OSGIN2: variants seen among roughly 807,000 people sequenced by gnomAD.
OSGIN2 encodes oxidative stress induced growth inhibitor family member 2, also known as oxidative stress-induced growth inhibitor 2.
Under a neutral mutation model 53.8 loss-of-function variants are expected in OSGIN2, and 19 were observed. The ratio of observed to expected loss-of-function variants is 0.35; its 90% confidence interval spans 0.25 to 0.52. The LOEUF (loss-of-function observed/expected upper bound fraction) is 0.52. OSGIN2 is among the 20% of genes least tolerant of loss of function. The pLI, the probability that OSGIN2 is intolerant of heterozygous loss-of-function variation, is 0.95. For synonymous variants in OSGIN2, 236 were observed against 236.0 expected, an observed-to-expected ratio of 1.00 and a Z score of 0.00; for missense variants, 520 against 662.7, an observed-to-expected ratio of 0.78 and a Z score of 2.36.
chr8:89,912,361 G>T (rs1808984628), intron 2 of OSGIN2, among the ~76,000 whole-genome samples: 1 of 152,202 alleles, frequency 6.6e-6, no homozygotes, highest in Non-Finnish European at 1.5e-5. Flanking sequence ...CTGCTGCACA[G>T]ACAAAACCAT....
intron 4 of OSGIN2, among the ~76,000 whole-genome samples, chr8:89,919,613 AAGCC>A (rs1337058182): frequency 6.6e-6 from 1 of 152,192 alleles, no homozygotes; most frequent in Non-Finnish European, 1.5e-5. Flanking sequence ...GGTGGCAGCC[AAGCC>A]TGGTTCTGAA....
chr8:89,914,579 C>T lies in OSGIN2; in HGVS notation c.361C>T (p.Leu121Phe). The stretch of plus-strand genomic sequence containing the variant: ...GGACTTAGAATACTTGTCTGAGGGC[C>T]TTGAGGGCCGATCATCCAATCCAGT... ...DQDLEYLSEG[L>F]EGRSSNPVAV... Residue 121 changes from leucine to phenylalanine, a missense_variant, in exon 4 of 6, where the codon CTT (leucine) becomes TTT (phenylalanine). By Grantham distance (22) the Leu-to-Phe change is conservative (BLOSUM62 0). Around this residue, in one of 3 missense-constraint regions of OSGIN2, gnomAD observed 203 missense variants for 275.3 expected, o/e 0.74. Transcript: ENST00000451899. 1 of 1,613,974 alleles carries T rather than the reference C, an allele frequency of 6.2e-7. No individual in the cohort carries two copies. Among genetic ancestry groups the T allele is most frequent in the Non-Finnish European group, 8.5e-7 (1 of 1,179,868 alleles).
At position 89,909,524 on chromosome 8, in the gene OSGIN2, A is replaced by G. The variant is rs186479640; in HGVS notation, c.45-43A>G. On this transcript the variant is annotated intron_variant, in intron 1 of 5. Transcript: ENST00000451899. Reference sequence around the variant, plus strand: ...AGAGATTGATTTTTATAAAGGCTATATTGACTATATCTCTTTTTATTCCCC... The same window carrying G: ...AGAGATTGATTTTTATAAAGGCTATGTTGACTATATCTCTTTTTATTCCCC... The G allele has an allele frequency of 3.8e-4, 418 of 1,108,852 alleles. 3 individuals are homozygous for G. Among genetic ancestry groups the G allele is most frequent in the Admixed American group, 2.9e-3 (102 of 35,424 alleles). 68.7% of individuals were successfully genotyped at this position (1,108,852 alleles called of 1,614,324 possible).
Position 89,914,025 on chromosome 8 carries a change from C to T in OSGIN2, c.200-52C>T. On this transcript the variant is annotated intron_variant, in intron 2 of 5. Transcript: ENST00000451899. The stretch of plus-strand genomic sequence containing the variant: ...TCAAAGTAGGACAAAAGCCAAGGAA[C>T]AAGAGTATTAAGATGCATGACCTAC... The T allele has an allele frequency of 3.9e-6, 6 of 1,520,028 alleles. No homozygotes were observed. In the South Asian group the frequency reaches 4.7e-5, roughly 12 times the overall value. The allele number at this position is 1,520,028 out of a possible 1,614,324, so 94.2% of individuals were successfully genotyped here.
At chr8:89,909,067 ATGTATATG>A (rs1808912543) in intron 1 of OSGIN2, among the ~76,000 whole-genome samples, 1 of 142,022 alleles carries the variant, frequency 7.0e-6, no homozygotes, top group African/African-American at 2.6e-5. Flanking sequence ...TATATATATA[ATGTATATG>A]TAGTATATTT....
chr8:89,914,696 T>C lies in OSGIN2; in HGVS notation c.478T>C (p.Tyr160His). ...GCATTGGAAATTAGAGCAACATCAT[T>C]ATATCCCTCACGTAGTTCTTGGTAA... Reference protein sequence around the residue: ...VLHWKLEQHHYIPHVVLGKGP... With the variant: ...VLHWKLEQHHHIPHVVLGKGP... Residue 160 changes from tyrosine (Y) to histidine (H), a missense_variant, in exon 4 of 6, where the codon TAT (tyrosine) becomes CAT (histidine). By Grantham distance (83) the Tyr-to-His change is moderately conservative. Around this residue, in one of 3 missense-constraint regions of OSGIN2, gnomAD observed 203 missense variants for 275.3 expected, o/e 0.74. Coordinates refer to ENST00000451899, the MANE Select transcript of OSGIN2 (RefSeq NM_001126111.3). 1 of 1,614,052 alleles carries C rather than the reference T, an allele frequency of 6.2e-7. No homozygotes were observed. Among genetic ancestry groups the C allele is most frequent in the Non-Finnish European group, 8.5e-7 (1 of 1,179,868 alleles).
Position 89,902,851 on chromosome 8 carries a change from CG to C in OSGIN2, c.44+18del. The C allele has an allele frequency of 7.3e-7, 1 of 1,377,352 alleles. No homozygotes were observed. The highest frequency in any genetic ancestry group is 1.7e-5 in the South Asian group (1 of 58,502). The allele number at this position is 1,377,352 out of a possible 1,614,324, so 85.3% of individuals were successfully genotyped here. ...CGGTCATTTCAGGTGACTTCCTCGC[CG>C]GGGATGGGAGGGGAGCAGGCGGGGA... On this transcript the variant is annotated intron_variant, in intron 1 of 5. Coordinates refer to ENST00000451899, the MANE Select transcript of OSGIN2 (RefSeq NM_001126111.3).
intron 1 of OSGIN2, among the ~76,000 whole-genome samples, chr8:89,903,046 C>T (rs1808759880): frequency 6.6e-6 from 1 of 152,166 alleles, no homozygotes; most frequent in Admixed American, 6.5e-5. Flanking sequence ...GTTCCCTTTT[C>T]TCGCTCTGGA....
Position 89,925,292 on chromosome 8 carries a change from G to A in OSGIN2, c.1410G>A (p.Gly470=), listed in dbSNP as rs1311029047. 3 of 1,613,996 alleles carry A rather than the reference G, an allele frequency of 1.9e-6. No homozygotes were observed. The highest frequency in any genetic ancestry group is 2.5e-6 in the Non-Finnish European group (3 of 1,179,996). The part of the protein sequence containing the change: ...HPNLSFLKDQ[G]CYLGHKSSQP... Reference sequence around the variant, plus strand: ...ATCTGTCTTTTCTGAAGGATCAAGGGTGTTACCTAGGCCATAAGTCAAGCC... The same window carrying A: ...ATCTGTCTTTTCTGAAGGATCAAGGATGTTACCTAGGCCATAAGTCAAGCC... The change falls in exon 6 of 6, where the codon GGG becomes GGA. Residue 470 remains glycine (G), a synonymous_variant. Transcript: ENST00000451899.
At chr8:89,904,732 C>T (rs1808799510) in intron 1 of OSGIN2, among the ~76,000 whole-genome samples, 2 of 152,118 alleles carry the variant, frequency 1.3e-5, no homozygotes, top group South Asian at 2.1e-4. Flanking sequence ...AGGAGAATAG[C>T]TTGAACCCAG....
chr8:89,915,614 G>C (rs1809061768), intron 4 of OSGIN2, among the ~76,000 whole-genome samples: 1 of 152,190 alleles, frequency 6.6e-6, no homozygotes, highest in South Asian at 2.1e-4. Context: ...ACTGTGTCTA[G>C]TGTGTAGTGA....
In OSGIN2 at chr8:89,911,578, C is replaced by T. The variant is rs375621590; in HGVS notation, c.199+1857C>T. 2.7e-4 allele frequency among the ~76,000 whole-genome samples: 41 copies of T among 149,970 alleles called. No individual in the cohort carries two copies. In the East Asian group the frequency reaches 6.5e-3, roughly 24 times the overall value. ...CCAGGAGGTGGAGGTTGCAGTGAGC[C>T]GCGATTGCGCCATTGTACTCCAGCT... On this transcript the variant is annotated intron_variant, in intron 2 of 5. Coordinates refer to ENST00000451899, the MANE Select transcript of OSGIN2 (RefSeq NM_001126111.3).
rs774941143 is a variant in OSGIN2 at position 89,925,249 on chromosome 8, T to C, written c.1367T>C (p.Leu456Ser). 1.9e-6 allele frequency: 3 copies of C among 1,614,212 alleles called. No homozygotes were observed. The Admixed American group carries it at 5.0e-5, about 27-fold the overall frequency. ...KIFKLSAAVVLIGSHPNLSFL... is the reference protein window; with the variant it reads ...KIFKLSAAVVSIGSHPNLSFL... Reference sequence around the variant, plus strand: ...TTTAAGCTGTCTGCAGCAGTAGTATTGATAGGTTCTCATCCTAATCTGTCT... The same window carrying C: ...TTTAAGCTGTCTGCAGCAGTAGTATCGATAGGTTCTCATCCTAATCTGTCT... The change falls in exon 6 of 6, where the codon TTG becomes TCG. Residue 456 changes from leucine (L) to serine (S), a missense_variant. Coordinates refer to ENST00000451899, the MANE Select transcript of OSGIN2 (RefSeq NM_001126111.3).
rs762182952 is a variant in OSGIN2, at chr8:89,911,125, A to G, written c.199+1404A>G. On this transcript the variant is annotated intron_variant, in intron 2 of 5. Coordinates refer to ENST00000451899, the MANE Select transcript of OSGIN2 (RefSeq NM_001126111.3). ...TTTCCTTTTCCTGGCTCCCTTCTGT[A>G]GCTTCAAAATCAGCAATGTTGTTTC... Among the ~76,000 whole-genome samples the G allele has an allele frequency of 4.8e-4, 73 of 152,222 alleles. 2 individuals are homozygous for G. The highest frequency in any genetic ancestry group is 3.4e-3 in the Middle Eastern group (1 of 294).
At chr8:89,917,168 TCTC>T (rs1448750653) in intron 4 of OSGIN2, among the ~76,000 whole-genome samples, 1 of 152,210 alleles carries the variant, frequency 6.6e-6, no homozygotes, top group Non-Finnish European at 1.5e-5. Flanking sequence ...TGTTCCTTGG[TCTC>T]CTCATTCTTG....
In OSGIN2 at chr8:89,924,673, C is replaced by T. The variant is rs778211161; in HGVS notation, c.791C>T (p.Thr264Ile). The change falls in exon 6 of 6, where the codon ACA (threonine) becomes ATA (isoleucine). Residue 264 changes from threonine to isoleucine, a missense_variant. Physicochemically the swap from Thr to Ile is moderately conservative, Grantham distance 89. This residue lies in a region of OSGIN2 where 78 missense variants were observed against 59.1 expected (regional missense o/e 1.32). Coordinates refer to ENST00000451899, the MANE Select transcript of OSGIN2 (RefSeq NM_001126111.3). Reference protein sequence around the residue: ...DDDIQDRDISTKHLQIEKSNF... With the variant: ...DDDIQDRDISIKHLQIEKSNF... Reference sequence around the variant, plus strand: ...GATATTCAAGACAGAGATATTTCAACAAAGCATTTACAGATAGAGAAGTCA... The same window carrying T: ...GATATTCAAGACAGAGATATTTCAATAAAGCATTTACAGATAGAGAAGTCA... 6.2e-7 allele frequency: 1 copy of T among 1,613,946 alleles called. No individual in the cohort carries two copies. The highest frequency in any genetic ancestry group is 8.5e-7 in the Non-Finnish European group (1 of 1,179,896).
At chr8:89,914,521 T>G in intron 3 of OSGIN2, 34 bp from the exon 4 acceptor site, 3 of 1,566,672 alleles carry the variant, frequency 1.9e-6, no homozygotes, top group Non-Finnish European at 2.6e-6. Context: ...AATGCTGGCT[T>G]TTTTCAAACT....
rs1233660171 is a variant in OSGIN2 at position 89,914,512 on chromosome 8, A to C, written c.337-43A>C. The C allele has an allele frequency of 2.0e-6, 3 of 1,479,924 alleles. No homozygotes were observed. The African/African-American group carries it at 4.2e-5, about 21-fold the overall frequency. 91.7% of individuals were successfully genotyped at this position (1,479,924 alleles called of 1,614,324 possible). A position where few individuals can be genotyped will look rare whatever the true frequency, so the allele number is the denominator to read the frequency against. On this transcript the variant is annotated intron_variant, in intron 3 of 5. Transcript: ENST00000451899. ...AGCATTAGAATATACTATCTGGGAA[A>C]TGCTGGCTTTTTTCAAACTCTGTCT... is the stretch of plus-strand genomic sequence containing the variant.
intron 4 of OSGIN2, among the ~76,000 whole-genome samples, chr8:89,919,852 T>A (rs1809159265): frequency 6.6e-6 from 1 of 152,224 alleles, no homozygotes. Flanking sequence ...ACTTTCTATA[T>A]GCTCCTGCAT....
Sources: gnomAD v4.1 joint callset for allele counts (sites outside exome capture counted in the v4.1 genomes callset) on GRCh38, gnomAD v4.1.1 for gene constraint, gnomAD v4.1.1 regional missense constraint, MANE v1.5 for transcripts, NCBI Gene and HGNC (gene_info 2026-07-23, HGNC 2026-07-21) for gene names.